Variants in SIK3 observed in about 807,000 individuals in gnomAD.
The protein encoded by SIK3 is SIK family kinase 3.
A neutral mutation model predicts 144.2 loss-of-function variants in SIK3; 28 were observed. The observed-to-expected ratio is 0.19, with a 90% CI of 0.14 to 0.27. The LOEUF (loss-of-function observed/expected upper bound fraction) is 0.27, where lower values mean the gene tolerates loss of function less well. SIK3 is among the 10% of genes least tolerant of loss of function. The pLI, the probability that SIK3 is intolerant of heterozygous loss-of-function variation, is 1.00. For missense variants in SIK3, 1,319 were observed against 1,776.0 expected, an observed-to-expected ratio of 0.74 and a Z score of 4.62; for synonymous variants, 686 against 676.3, an observed-to-expected ratio of 1.01 and a Z score of -0.22.
chr11:116,970,513 T>C (rs565445886), intron 1 of SIK3, among the ~76,000 whole-genome samples: 29 of 152,240 alleles, frequency 1.9e-4, no homozygotes, highest in African/African-American at 6.0e-4. Context: ...CTCTTATCTG[T>C]TTATTATTTA....
intron 1 of SIK3, among the ~76,000 whole-genome samples, chr11:116,984,688 A>G (rs1204535391): frequency 6.8e-6 from 1 of 147,122 alleles, no homozygotes; most frequent in South Asian, 2.2e-4. Flanking sequence ...GTTGGAAAAA[A>G]AGCAACACAC....
chr11:116,909,525 A>G (rs1042204757), intron 4 of SIK3, among the ~76,000 whole-genome samples: 26 of 152,232 alleles, frequency 1.7e-4, no homozygotes, highest in Non-Finnish European at 3.7e-4. Flanking sequence ...ATGCTTAAAG[A>G]AAATTTATGT....
chr11:116,993,099 T>A (rs1004934260), intron 1 of SIK3, among the ~76,000 whole-genome samples: 11 of 152,288 alleles, frequency 7.2e-5, no homozygotes, highest in Admixed American at 1.3e-4. Flanking sequence ...GTTGCCCAGA[T>A]GGGTCTCAAA....
intron 6 of SIK3, among the ~76,000 whole-genome samples, chr11:116,880,505 C>T (rs750836947): frequency 2.6e-5 from 4 of 152,122 alleles, no homozygotes; most frequent in Non-Finnish European, 4.4e-5. Context: ...TAATATCGAA[C>T]GTGCCAAGGA....
Position 116,854,949 on chromosome 11 carries a change from G to A in SIK3, c.3655+2861C>T, listed in dbSNP as rs566044368. On this transcript the variant is annotated intron_variant, in intron 21 of 24. Coordinates refer to ENST00000445177, the MANE Select transcript of SIK3 (RefSeq NM_001366686.3). ...CTACAAAAAAAAATTAGCCGGGTGC[G>A]GTAGTGCACACCTGTAATCCTAGCT... Among the ~76,000 whole-genome samples, 15 of 151,830 alleles carry A rather than the reference G, an allele frequency of 9.9e-5. No homozygotes were observed. In the South Asian group the frequency reaches 1.7e-3, roughly 17 times the overall value.
intron 2 of SIK3, among the ~76,000 whole-genome samples, chr11:116,956,208 C>A (rs1019562436): frequency 1.3e-5 from 2 of 152,128 alleles, no homozygotes; most frequent in Non-Finnish European, 2.9e-5. Flanking sequence ...CTTTCACCAG[C>A]CTGCTAAGGC....
chr11:116,998,866 T>C (rs1435886023), intron 1 of SIK3, among the ~76,000 whole-genome samples: 2 of 152,214 alleles, frequency 1.3e-5, no homozygotes, highest in South Asian at 2.1e-4. Context: ...TTATTGATCA[T>C]ACAAATATAG....
chr11:116,862,394 A>ATC, intron 16 of SIK3, 67 bp from the exon 17 acceptor site: 2 of 1,603,386 alleles, frequency 1.2e-6, no homozygotes, highest in African/African-American at 1.3e-5. Context: ...ATTTCAGCAG[A>ATC]TGCAGATCTG....
chr11:116,926,067 T>C (rs1341902473), intron 4 of SIK3, among the ~76,000 whole-genome samples: 5 of 152,170 alleles, frequency 3.3e-5, no homozygotes, highest in African/African-American at 1.2e-4. Context: ...TTAGGTAACT[T>C]TGACCTATGA....
At chr11:117,085,226 C>T (rs1452879080) in intron 1 of SIK3, among the ~76,000 whole-genome samples, 1 of 152,058 alleles carries the variant, frequency 6.6e-6, no homozygotes, top group Non-Finnish European at 1.5e-5. Flanking sequence ...AAGCAATCCT[C>T]CCAGCTCAAC....
intron 1 of SIK3, among the ~76,000 whole-genome samples, chr11:117,009,104 G>A (rs930121473): frequency 1.3e-5 from 2 of 151,770 alleles, no homozygotes; most frequent in South Asian, 2.1e-4. Flanking sequence ...GTGTAGTGGT[G>A]TGCGCCTGTA....
intron 21 of SIK3, among the ~76,000 whole-genome samples, chr11:116,851,972 G>T (rs1278344256): frequency 6.6e-6 from 1 of 152,166 alleles, no homozygotes; most frequent in African/African-American, 2.4e-5. Context: ...TCAATTCCTC[G>T]GGGTGCTTTT....
intron 3 of SIK3, among the ~76,000 whole-genome samples, chr11:116,951,810 T>G (rs1948949413): frequency 6.6e-6 from 1 of 152,050 alleles, no homozygotes; most frequent in Non-Finnish European, 1.5e-5. Context: ...GGTGTATACC[T>G]ACAGTCCCAG....
At chr11:117,076,792 C>T (rs927037852) in intron 1 of SIK3, among the ~76,000 whole-genome samples, 10 of 152,118 alleles carry the variant, frequency 6.6e-5, no homozygotes, top group Admixed American at 5.9e-4. Flanking sequence ...CCACCCGCCT[C>T]GGCCTCCCAA....
At chr11:117,082,358 C>T (rs193086518) in intron 1 of SIK3, among the ~76,000 whole-genome samples, 3 of 136,712 alleles carry the variant, frequency 2.2e-5, no homozygotes, top group East Asian at 2.0e-4. Context: ...TATTCATAAT[C>T]GCCAATAAGT....
intron 6 of SIK3, among the ~76,000 whole-genome samples, chr11:116,887,055 T>C (rs534180539): frequency 1.4e-4 from 21 of 152,298 alleles, no homozygotes; most frequent in Middle Eastern, 3.4e-3. Context: ...AACACCCTTT[T>C]ACACCTAAAA....
intron 1 of SIK3, among the ~76,000 whole-genome samples, chr11:117,094,365 G>A (rs1412728327): frequency 6.6e-6 from 1 of 152,142 alleles, no homozygotes; most frequent in Non-Finnish European, 1.5e-5. Context: ...AGCACTTTGG[G>A]AGGCTGAAGC....
intron 22 of SIK3, 97 bp from the exon 23 acceptor site, chr11:116,847,705 A>G: frequency 6.5e-7 from 1 of 1,539,440 alleles, no homozygotes; most frequent in Non-Finnish European, 8.9e-7. Flanking sequence ...CCCAGGCAAA[A>G]GACAGCCCGG....
At chr11:116,937,507 T>C (rs1011030979) in intron 3 of SIK3, among the ~76,000 whole-genome samples, 32 of 152,238 alleles carry the variant, frequency 2.1e-4, no homozygotes, top group Non-Finnish European at 2.8e-4. Context: ...AAAAGTATTC[T>C]GCTAGAGCAG....
Sources: allele counts gnomAD v4.1 joint callset (sites outside exome capture counted in the v4.1 genomes callset), GRCh38; gene constraint gnomAD v4.1.1; transcripts MANE v1.5; gene names NCBI Gene and HGNC (gene_info 2026-07-23, HGNC 2026-07-21).